BEX4: variants seen among roughly 807,000 people sequenced by gnomAD.
The protein encoded by BEX4 is brain expressed X-linked 4.
For missense variants in BEX4, 110 were observed against 96.5 expected (o/e 1.14, Z -0.59); for synonymous variants, 37 against 33.5 (o/e 1.11, Z -0.36).
In BEX4 at chrX:103,216,187, C is replaced by T; in HGVS notation, c.34C>T (p.Leu12Phe). 8.7e-7 allele frequency: 1 copy of T among 1,148,529 alleles called. No individual in the cohort carries two copies. The highest frequency in any genetic ancestry group is 2.1e-5 in the South Asian group (1 of 46,550). The allele number at this position is 1,148,529 out of a possible 1,213,427, so 94.7% of individuals were successfully genotyped here. A position where few individuals can be genotyped will look rare whatever the true frequency, so the allele number is the denominator to read the frequency against. The change falls in exon 3 of 3, where the codon CTC becomes TTC. Residue 12 changes from leucine (L) to phenylalanine (F), a missense_variant. Coordinates refer to ENST00000372695, the MANE Select transcript of BEX4 (RefSeq NM_001080425.4). The stretch of plus-strand genomic sequence containing the variant: ...CAAAGAGGAACTAGCGGCAAACAAT[C>T]TCAACGGGGAAAATGCCCAACAAGA... ...ESKEELAANN[L>F]NGENAQQENE... is the part of the protein sequence containing the mutation.
chrX:103,215,983 G>T (rs985390905), intron 2 of BEX4, among the ~76,000 whole-genome samples, 166 bp from the exon 3 acceptor site: 4 of 111,142 alleles, frequency 3.6e-5, no homozygotes, highest in African/African-American at 1.3e-4. Context: ...CGGATTGAGG[G>T]CACCCCACAG....
Position 103,215,683 on chromosome X carries a change from C to G in BEX4, c.-87C>G, listed in dbSNP as rs780333328. 3 of 897,645 alleles carry G rather than the reference C, an allele frequency of 3.3e-6. No homozygotes were observed. Among genetic ancestry groups the G allele is most frequent in the Non-Finnish European group, 4.1e-6 (3 of 725,158 alleles). 74.0% of individuals were successfully genotyped at this position (897,645 alleles called of 1,213,427 possible). ...CCCCCACTTCCCCCACCCCGGCAGT[C>G]TGCAGGTCTGCGGGGCTAAGTGTCG... is the stretch of plus-strand genomic sequence containing the variant. On this transcript the variant is annotated splice_region_variant and 5_prime_UTR_variant, in exon 2 of 3. Transcript: ENST00000372695.
chrX:103,216,037 A>G (rs1924574709), intron 2 of BEX4, 112 bp from the exon 3 acceptor site: 1 of 946,598 alleles, frequency 1.1e-6, no homozygotes, highest in Non-Finnish European at 1.4e-6. Context: ...ATGTTAGAGT[A>G]TAAAGTCAAG....
chrX:103,216,232 G>T lies in BEX4; in HGVS notation c.79G>T (p.Ala27Ser). Reference protein sequence around the residue: ...AQQENEGGEQAPTQNEEESRH... With the variant: ...AQQENEGGEQSPTQNEEESRH... ...ACAAGAAAACGAAGGAGGGGAGCAG[G>T]CCCCCACGCAGAATGAAGAAGAATC... Residue 27 changes from alanine (A) to serine (S), a missense_variant, in exon 3 of 3, where the codon GCC becomes TCC. By Grantham distance (99) the Ala-to-Ser change is moderately conservative. Coordinates refer to ENST00000372695, the MANE Select transcript of BEX4 (RefSeq NM_001080425.4). 5.1e-6 allele frequency: 6 copies of T among 1,177,554 alleles called. No homozygotes were observed. Among genetic ancestry groups the T allele is most frequent in the Non-Finnish European group, 6.8e-6 (6 of 879,262 alleles).
chrX:103,216,333 T>C lies in BEX4; in HGVS notation c.180T>C (p.Pro60=). The C allele has an allele frequency of 8.3e-7, 1 of 1,211,240 alleles. No homozygotes were observed. Among genetic ancestry groups the C allele is most frequent in the Non-Finnish European group, 1.1e-6 (1 of 895,286 alleles). ...IRRGRVRRLV[P]NFRWAIPNRH... is the part of the protein sequence containing the mutation. ...GGGGGCGAGTTAGGCGACTTGTCCC[T>C]AATTTTCGATGGGCCATACCTAATA... Residue 60 remains proline, a synonymous_variant, in exon 3 of 3, where the codon CCT becomes CCC. Transcript: ENST00000372695.
intron 1 of BEX4, among the ~76,000 whole-genome samples, 166 bp downstream of exon 1, chrX:103,215,404 C>T (rs1488932774): frequency 8.9e-6 from 1 of 112,433 alleles, no homozygotes; most frequent in East Asian, 2.8e-4. Context: ...GTGCCCGGCC[C>T]GGAGGGAGCC....
In BEX4 at chrX:103,215,733, T is replaced by G. The variant is rs1924563253; in HGVS notation, c.-37T>G. On this transcript the variant is annotated 5_prime_UTR_variant, in exon 2 of 3. Coordinates refer to ENST00000372695, the MANE Select transcript of BEX4 (RefSeq NM_001080425.4). ...GCGGCGGCGCACCTCGCGTCAAGAATCCGGAGGAGGAGACTGCAAGGATAG... is the reference window on the plus strand; with the variant it reads ...GCGGCGGCGCACCTCGCGTCAAGAAGCCGGAGGAGGAGACTGCAAGGATAG... 6 of 922,654 alleles carry G rather than the reference T, an allele frequency of 6.5e-6. No individual in the cohort carries two copies. The highest frequency in any genetic ancestry group is 8.1e-6 in the Non-Finnish European group (6 of 736,366). 76.0% of individuals were successfully genotyped at this position (922,654 alleles called of 1,213,427 possible). A position where few individuals can be genotyped will look rare whatever the true frequency, so the allele number is the denominator to read the frequency against.
chrX:103,216,610 A>G lies in BEX4; in HGVS notation c.*94A>G, dbSNP rs142579929. The G allele has an allele frequency of 2.1e-6, 2 of 935,932 alleles. No individual in the cohort carries two copies. Among genetic ancestry groups the G allele is most frequent in the Non-Finnish European group, 2.9e-6 (2 of 689,353 alleles). 77.1% of individuals were successfully genotyped at this position (935,932 alleles called of 1,213,427 possible). A position where few individuals can be genotyped will look rare whatever the true frequency, so the allele number is the denominator to read the frequency against. Reference sequence around the variant, plus strand: ...TTTCTGTAAGCCTTTTGGGGTTTACACTTACCAGTTTCTAATGGAAATTAG... The same window carrying G: ...TTTCTGTAAGCCTTTTGGGGTTTACGCTTACCAGTTTCTAATGGAAATTAG... On this transcript the variant is annotated 3_prime_UTR_variant, in exon 3 of 3. Transcript: ENST00000372695.
Position 103,215,127 on chromosome X carries a change from C to T in BEX4, c.-200C>T, listed in dbSNP as rs998463389. 5.4e-4 allele frequency: 406 copies of T among 752,333 alleles called. No individual in the cohort carries two copies. Among genetic ancestry groups the T allele is most frequent in the Non-Finnish European group, 6.2e-4 (396 of 638,883 alleles). The allele number at this position is 752,333 out of a possible 1,213,427, so 62.0% of individuals were successfully genotyped here. A position where few individuals can be genotyped will look rare whatever the true frequency, so the allele number is the denominator to read the frequency against. On this transcript the variant is annotated 5_prime_UTR_variant, in exon 1 of 3. Coordinates refer to ENST00000372695, the MANE Select transcript of BEX4 (RefSeq NM_001080425.4). ...AACACTGAGTGTTGTCTCGCTCTGG[C>T]GTCAGAGCCGTCGTGGCTCGTTCCA... is the stretch of plus-strand genomic sequence containing the variant.
chrX:103,215,954 T>G (rs1183366835), intron 2 of BEX4, among the ~76,000 whole-genome samples, 190 bp downstream of exon 2: 1 of 110,941 alleles, frequency 9.0e-6, no homozygotes, highest in Non-Finnish European at 1.9e-5. Context: ...AATGGTGGGC[T>G]TTGCGGAAGG....
chrX:103,216,383 G>C lies in BEX4; in HGVS notation c.230G>C (p.Arg77Thr). 5 of 1,211,848 alleles carry C rather than the reference G, an allele frequency of 4.1e-6. No homozygotes were observed. The highest frequency in any genetic ancestry group is 5.6e-6 in the Non-Finnish European group (5 of 895,569). Residue 77 changes from arginine to threonine, a missense_variant, in exon 3 of 3, where the codon AGA becomes ACA. Arg to Thr is a moderately conservative substitution (Grantham distance 71). Transcript: ENST00000372695. ...PNRHIEHNEA[R>T]DDVERFVGQM... is the part of the protein sequence containing the mutation. ...AGGCATATTGAGCACAATGAAGCGA[G>C]AGATGATGTAGAAAGGTTTGTAGGG...
Position 103,215,221 on chromosome X carries a change from G to A in BEX4, c.-106G>A. 4 of 755,932 alleles carry A rather than the reference G, an allele frequency of 5.3e-6. No individual in the cohort carries two copies. Among genetic ancestry groups the A allele is most frequent in the Non-Finnish European group, 6.2e-6 (4 of 640,278 alleles). The allele number at this position is 755,932 out of a possible 1,213,427, so 62.3% of individuals were successfully genotyped here. On this transcript the variant is annotated 5_prime_UTR_variant, in exon 1 of 3. Coordinates refer to ENST00000372695, the MANE Select transcript of BEX4 (RefSeq NM_001080425.4). ...GGGCCAGGGGCGGCCCCGAAATTAG[G>A]AAGCGGAGGGGGAGCAGGTAAGGAA...
At chrX:103,215,427 GC>G (rs1924548773) in intron 1 of BEX4, among the ~76,000 whole-genome samples, 189 bp downstream of exon 1, 1 of 112,364 alleles carries the variant, frequency 8.9e-6, no homozygotes, top group Admixed American at 9.3e-5. Context: ...CGGTCCTGGG[GC>G]TACGACCCTT....
In BEX4 at chrX:103,216,144, C is replaced by A; in HGVS notation, c.-5-5C>A. The A allele has an allele frequency of 1.8e-6, 2 of 1,133,287 alleles. No individual in the cohort carries two copies. The highest frequency in any genetic ancestry group is 2.3e-6 in the Non-Finnish European group (2 of 859,546). 93.4% of individuals were successfully genotyped at this position (1,133,287 alleles called of 1,213,427 possible). ...TCAGCCCATTTTCTCTCTCTTGTCT[C>A]CTAGGAGTAATGGAGTCCAAAGAGG... is the stretch of plus-strand genomic sequence containing the variant. On this transcript the variant is annotated splice_region_variant and splice_polypyrimidine_tract_variant and intron_variant, in intron 2 of 2. Transcript: ENST00000372695.
Position 103,216,233 on chromosome X carries a change from C to T in BEX4, c.80C>T (p.Ala27Val). The stretch of plus-strand genomic sequence containing the variant: ...CAAGAAAACGAAGGAGGGGAGCAGG[C>T]CCCCACGCAGAATGAAGAAGAATCC... ...AQQENEGGEQ[A>V]PTQNEEESRH... The change falls in exon 3 of 3, where the codon GCC becomes GTC. Residue 27 changes from alanine (A) to valine (V), a missense_variant. By Grantham distance (64) the Ala-to-Val change is moderately conservative. Transcript: ENST00000372695. 1 of 1,181,085 alleles carries T rather than the reference C, an allele frequency of 8.5e-7. No homozygotes were observed. The highest frequency in any genetic ancestry group is 1.1e-6 in the Non-Finnish European group (1 of 880,504).
At position 103,217,219 on chromosome X, in the gene BEX4, TAAAAA is replaced by T. The variant is rs748344741; in HGVS notation, c.*705_*709del. On this transcript the variant is annotated 3_prime_UTR_variant, in exon 3 of 3. Coordinates refer to ENST00000372695, the MANE Select transcript of BEX4 (RefSeq NM_001080425.4). ...AATCTGACTTTGATGGGCAAGTAAT[TAAAAA>T]AGAAAAGTATGAGACCTTAAAATAA... 8.2e-6 allele frequency: 1 copy of T among 122,671 alleles called. No homozygotes were observed. The highest frequency in any genetic ancestry group is 1.9e-5 in the Non-Finnish European group (1 of 53,164). 10.1% of individuals were successfully genotyped at this position (122,671 alleles called of 1,213,427 possible).
chrX:103,215,858 A>G (rs1276884535), intron 2 of BEX4, 94 bp downstream of exon 2: 2 of 595,486 alleles, frequency 3.4e-6, no homozygotes. Flanking sequence ...GCCCCCCTCT[A>G]CCCCATGCAA....
intron 2 of BEX4, 66 bp from the exon 3 acceptor site, chrX:103,216,083 G>A: frequency 9.4e-7 from 1 of 1,068,737 alleles, no homozygotes; most frequent in Non-Finnish European, 1.2e-6. Flanking sequence ...GCCTAGTAGG[G>A]CCTCTGTCCT....
Position 103,215,763 on chromosome X carries a change from A to AGGTCGGTGCGAG in BEX4, c.-6+8_-6+19dup. On this transcript the variant is annotated splice_region_variant and 5_prime_UTR_variant, in exon 2 of 3. Coordinates refer to ENST00000372695, the MANE Select transcript of BEX4 (RefSeq NM_001080425.4). The stretch of plus-strand genomic sequence containing the variant: ...AGGAGGAGACTGCAAGGATAGGCCC[A>AGGTCGGTGCGAG]GGTCGGTGCGAGGGTCGGTGGTGAG... 2 of 915,175 alleles carry AGGTCGGTGCGAG rather than the reference A, an allele frequency of 2.2e-6. No homozygotes were observed. Among genetic ancestry groups the AGGTCGGTGCGAG allele is most frequent in the Non-Finnish European group, 2.7e-6 (2 of 733,889 alleles). The allele number at this position is 915,175 out of a possible 1,213,427, so 75.4% of individuals were successfully genotyped here. A position where few individuals can be genotyped will look rare whatever the true frequency, so the allele number is the denominator to read the frequency against.
Sources: allele counts gnomAD v4.1 joint callset (sites outside exome capture counted in the v4.1 genomes callset), GRCh38; gene constraint gnomAD v4.1.1; transcripts MANE v1.5; gene names NCBI Gene and HGNC (gene_info 2026-07-23, HGNC 2026-07-21).